ETS2: variants seen among roughly 807,000 people sequenced by gnomAD.
The protein encoded by ETS2 is ETS proto-oncogene 2, transcription factor.
A neutral mutation model predicts 54.9 loss-of-function variants in ETS2; 19 were observed. The ratio of observed to expected loss-of-function variants is 0.35; its 90% CI spans 0.24 to 0.51. The LOEUF is 0.51. Among genes scored for constraint, ETS2 ranks in the 20% least tolerant of loss-of-function variants. The pLI is 0.97. For missense variants in ETS2, 417 were observed against 593.0 expected (o/e 0.70, Z 3.08); for synonymous variants, 219 against 229.3 (o/e 0.95, Z 0.41).
chr21:38,805,777 T>G, upstream of ETS2: 1 of 760,292 alleles, frequency 1.3e-6, no homozygotes, highest in Non-Finnish European at 1.8e-6. The surrounding 1 kb of genome is among the most constrained non-coding windows in gnomAD (Gnocchi z 5.2). Context: ...CTACCTCCCT[T>G]CCCCTCCTCT....
chr21:38,805,930 G>A lies in ETS2; in HGVS notation c.-191G>A, dbSNP rs770005794. On this transcript the variant is annotated 5_prime_UTR_variant, in exon 1 of 10. Coordinates refer to ENST00000360938, the MANE Select transcript of ETS2 (RefSeq NM_005239.6). The surrounding 1 kb of genome is among the most constrained non-coding windows in gnomAD (Gnocchi z 5.2). ...AGCGCGCCGCGTGGGGGACGGCCCG[G>A]TTACTTCCTCCAGAGACTGACGAGT... 3 of 1,257,496 alleles carry A rather than the reference G, an allele frequency of 2.4e-6. No individual in the cohort carries two copies. Among genetic ancestry groups the A allele is most frequent in the African/African-American group, 3.2e-5 (2 of 62,800 alleles). The allele number at this position is 1,257,496 out of a possible 1,614,324, so 77.9% of individuals were successfully genotyped here. A position where few individuals can be genotyped will look rare whatever the true frequency, so the allele number is the denominator to read the frequency against.
chr21:38,807,232 A>C (rs1410033536), intron 1 of ETS2, among the ~76,000 whole-genome samples: 1 of 152,256 alleles, frequency 6.6e-6, no homozygotes, highest in Non-Finnish European at 1.5e-5. Flanking sequence ...TCAAAGCGAA[A>C]AAAGCAAACT....
intron 5 of ETS2, 98 bp from the exon 6 acceptor site, chr21:38,816,910 T>C: frequency 1.4e-6 from 1 of 718,486 alleles, no homozygotes; most frequent in Non-Finnish European, 2.5e-6. Context: ...ATCTCATCAT[T>C]CTAAAATTAT....
rs2060971506 is a variant in ETS2, at chr21:38,824,520, T to C, written c.*1631T>C. The C allele has an allele frequency of 6.6e-6, 1 of 152,362 alleles. No homozygotes were observed. Among genetic ancestry groups the C allele is most frequent in the Non-Finnish European group, 1.5e-5 (1 of 68,160 alleles). 9.4% of individuals were successfully genotyped at this position (152,362 alleles called of 1,614,324 possible). On this transcript the variant is annotated 3_prime_UTR_variant, in exon 10 of 10. Transcript: ENST00000360938. ...GCCTTGGACGGGTGGCTGACATCTG[T>C]AAAGAATCCTCCTGTGATGAAACTG...
intron 2 of ETS2, among the ~76,000 whole-genome samples, chr21:38,810,814 G>A (rs1443281436): frequency 6.6e-6 from 1 of 152,162 alleles, no homozygotes; most frequent in East Asian, 1.9e-4. Flanking sequence ...TCAAAGTTTA[G>A]CGTCTTGCAT....
upstream of ETS2, chr21:38,805,336 G>T: frequency 7.8e-7 from 1 of 1,288,268 alleles, no homozygotes; most frequent in Non-Finnish European, 1.0e-6. This position sits in a 1 kb window ranked among gnomAD's most constrained non-coding sequence, Gnocchi z 5.2. Context: ...AGCCCATTCA[G>T]AGGTTCAAGA....
intron 6 of ETS2, 141 bp from the exon 7 acceptor site, chr21:38,818,284 C>T: frequency 9.2e-7 from 1 of 1,084,086 alleles, no homozygotes; most frequent in Non-Finnish European, 1.3e-6. Context: ...GGTGACAGAC[C>T]CCCACCAAAG....
chr21:38,805,324 T>C (rs1454834854), upstream of ETS2: 3 of 1,287,108 alleles, frequency 2.3e-6, no homozygotes, highest in Non-Finnish European at 3.0e-6. This position sits in a 1 kb window ranked among gnomAD's most constrained non-coding sequence, Gnocchi z 5.2. Flanking sequence ...TCATTAGTCC[T>C]AAGCCCATTC....
Position 38,813,012 on chromosome 21 carries a change from G to C in ETS2, c.82G>C (p.Ala28Pro), listed in dbSNP as rs2060919663. The change falls in exon 3 of 10, where the codon GCC becomes CCC. Residue 28 changes from alanine to proline, a missense_variant. By Grantham distance (27) the Ala-to-Pro change is conservative. Transcript: ENST00000360938. ...CCATCTGTTTTTGCAGCGCCAGCCA[G>C]CCTTTGACACCTTTGATGGGTCCCT... ...SYRGTLKRQP[A>P]FDTFDGSLFA... The C allele has an allele frequency of 6.2e-7, 1 of 1,612,970 alleles. No homozygotes were observed. Among genetic ancestry groups the C allele is most frequent in the Non-Finnish European group, 8.5e-7 (1 of 1,178,990 alleles).
chr21:38,808,076 C>G (rs951901615), intron 1 of ETS2, among the ~76,000 whole-genome samples: 5 of 152,026 alleles, frequency 3.3e-5, no homozygotes, highest in African/African-American at 1.2e-4. Context: ...CATGTTCTCC[C>G]GGCACAGAGG....
intron 7 of ETS2, among the ~76,000 whole-genome samples, chr21:38,818,974 T>C (rs568309985): frequency 7.9e-5 from 12 of 152,358 alleles, no homozygotes; most frequent in African/African-American, 2.9e-4. Context: ...TCAGGTCATG[T>C]GGCTGGTTGG....
chr21:38,808,579 G>GGTGTGTGT (rs1274039519), intron 1 of ETS2, among the ~76,000 whole-genome samples: 14 of 65,204 alleles, frequency 2.1e-4, no homozygotes, highest in African/African-American at 7.6e-4. Flanking sequence ...AGCCAAGAGG[G>GGTGTGTGT]GTGTGTGTGT....
rs2060925129 is a variant in ETS2 at position 38,814,438 on chromosome 21, T to G, written c.304+46T>G. ...CCTGCACTGGGTGAGAAGAACCAAC[T>G]TCAGTGCAGTTGTTTGATCTTGACT... On this transcript the variant is annotated intron_variant, in intron 4 of 9. Transcript: ENST00000360938. This position sits in a 1 kb window ranked among gnomAD's most constrained non-coding sequence, Gnocchi z 4.2. The G allele has an allele frequency of 3.7e-6, 6 of 1,606,708 alleles. No homozygotes were observed. The highest frequency in any genetic ancestry group is 5.1e-6 in the Non-Finnish European group (6 of 1,175,668).
Position 38,821,532 on chromosome 21 carries a change from C to A in ETS2, c.1076-54C>A. 8.1e-7 allele frequency: 1 copy of A among 1,234,794 alleles called. No individual in the cohort carries two copies. Among genetic ancestry groups the A allele is most frequent in the Non-Finnish European group, 1.2e-6 (1 of 835,816 alleles). The allele number at this position is 1,234,794 out of a possible 1,614,324, so 76.5% of individuals were successfully genotyped here. On this transcript the variant is annotated intron_variant, in intron 8 of 9. Transcript: ENST00000360938. The surrounding 1 kb of genome is among the most constrained non-coding windows in gnomAD (Gnocchi z 4.2). ...TACAATTAGGATGGTTAAAGACTTG[C>A]TGTATTTTACATCTGTGAAAGGGTA...
chr21:38,821,636 A>G lies in ETS2; in HGVS notation c.1126A>G (p.Lys376Glu). ...WQFLLELLSD[K>E]SCQSFISWTG... ...GTTTCTCCTGGAGCTGCTATCAGAC[A>G]AATCCTGCCAGTCATTCATCAGCTG... The change falls in exon 9 of 10, where the codon AAA becomes GAA. Residue 376 changes from lysine to glutamate, a missense_variant. This residue lies in a region of ETS2 where 60 missense variants were observed against 134.1 expected (regional missense o/e 0.45). Coordinates refer to ENST00000360938, the MANE Select transcript of ETS2 (RefSeq NM_005239.6). The surrounding 1 kb of genome is among the most constrained non-coding windows in gnomAD (Gnocchi z 4.2). 1.9e-6 allele frequency: 3 copies of G among 1,614,240 alleles called. No homozygotes were observed. The highest frequency in any genetic ancestry group is 2.5e-6 in the Non-Finnish European group (3 of 1,180,038).
Position 38,814,128 on chromosome 21 carries a change from G to T in ETS2, c.185-145G>T. The T allele has an allele frequency of 5.4e-6, 4 of 746,606 alleles. No individual in the cohort carries two copies. Among genetic ancestry groups the T allele is most frequent in the Non-Finnish European group, 4.4e-6 (2 of 450,994 alleles). The allele number at this position is 746,606 out of a possible 1,614,324, so 46.2% of individuals were successfully genotyped here. A position where few individuals can be genotyped will look rare whatever the true frequency, so the allele number is the denominator to read the frequency against. On this transcript the variant is annotated intron_variant, in intron 3 of 9. Transcript: ENST00000360938. This position sits in a 1 kb window ranked among gnomAD's most constrained non-coding sequence, Gnocchi z 4.2. ...TCAATTATAGTCAGAAAAGTTTTTT[G>T]TTAATAGTTACACTGTTTTAAGGAA...
rs565137893 is a variant in ETS2, at chr21:38,810,534, G to A, written c.72+428G>A. Among the ~76,000 whole-genome samples, 10 of 152,320 alleles carry A rather than the reference G, an allele frequency of 6.6e-5. No homozygotes were observed. The South Asian group carries it at 8.3e-4, about 13-fold the overall frequency. On this transcript the variant is annotated intron_variant, in intron 2 of 9. Coordinates refer to ENST00000360938, the MANE Select transcript of ETS2 (RefSeq NM_005239.6). ...TACAGCTCCTATCAGAAAGGGCAGC[G>A]CCCGTGGAATTGTAGGTAGCCTGTT...
intron 7 of ETS2, 62 bp from the exon 8 acceptor site, chr21:38,819,441 T>A: frequency 6.6e-7 from 1 of 1,526,430 alleles, no homozygotes; most frequent in Non-Finnish European, 9.0e-7. Flanking sequence ...GATGCTATGG[T>A]CGTGCCCAAG....
rs1202479439 is a variant in ETS2 at position 38,821,872 on chromosome 21, G to A, written c.1194+168G>A. The stretch of plus-strand genomic sequence containing the variant: ...AAAATGGAAGTGGAGTCATTGCTTT[G>A]TTGATAAACGTGTACAGTGTTTTCT... On this transcript the variant is annotated intron_variant, in intron 9 of 9. Coordinates refer to ENST00000360938, the MANE Select transcript of ETS2 (RefSeq NM_005239.6). The surrounding 1 kb of genome is among the most constrained non-coding windows in gnomAD (Gnocchi z 4.2). Among the ~76,000 whole-genome samples the A allele has an allele frequency of 3.3e-5, 5 of 152,226 alleles. No homozygotes were observed. Among genetic ancestry groups the A allele is most frequent in the Non-Finnish European group, 5.9e-5 (4 of 68,048 alleles).
Sources: allele counts gnomAD v4.1 joint callset (sites outside exome capture counted in the v4.1 genomes callset), GRCh38; gene constraint gnomAD v4.1.1; regional missense constraint gnomAD v4.1.1; non-coding constraint Gnocchi (gnomAD v3.1); transcripts MANE v1.5; gene names NCBI Gene and HGNC (gene_info 2026-07-23, HGNC 2026-07-21).